Variants in PADI1 observed in about 807,000 individuals in gnomAD.
PADI1 encodes protein-arginine deiminase type-1.
A neutral mutation model predicts 74.8 loss-of-function variants in PADI1; 65 were observed. The observed-to-expected ratio is 0.87, with a 90% confidence interval of 0.71 to 1.07. The LOEUF (loss-of-function observed/expected upper bound fraction) is 1.07, where lower values mean the gene tolerates loss of function less well. Ranked by LOEUF, PADI1 falls within the 50% of genes least tolerant of loss-of-function variation. The pLI is 0.00. For missense variants in PADI1, 943 were observed against 854.0 expected (o/e 1.10, Z -1.30); for synonymous variants, 371 against 336.2 (o/e 1.10, Z -1.13).
At chr1:17,210,108 GGGATTACA>G (rs1189766828) in intron 1 of PADI1, among the ~76,000 whole-genome samples, 1 of 152,000 alleles carries the variant, frequency 6.6e-6, no homozygotes, top group Non-Finnish European at 1.5e-5. Context: ...CCAAAGTGTT[GGGATTACA>G]GGTGTGAGCC....
intron 9 of PADI1, 79 bp downstream of exon 9, chr1:17,230,287 G>A: frequency 6.5e-7 from 1 of 1,537,074 alleles, no homozygotes; most frequent in Non-Finnish European, 8.8e-7. Context: ...GATGGACCCA[G>A]TGTCGCTAGA....
At chr1:17,214,264 C>T (rs2071913348) in intron 1 of PADI1, among the ~76,000 whole-genome samples, 1 of 152,146 alleles carries the variant, frequency 6.6e-6, no homozygotes, top group African/African-American at 2.4e-5. Context: ...CCATGCTCCA[C>T]ACAGAACCCA....
rs149500234 is a variant in PADI1, at chr1:17,224,347, C to T, written c.347-20C>T. The T allele has an allele frequency of 0.02, 32,320 of 1,610,666 alleles. 423 individuals are homozygous for T. Among genetic ancestry groups the T allele is most frequent in the Non-Finnish European group, 0.023 (26,800 of 1,177,476 alleles). The stretch of plus-strand genomic sequence containing the variant: ...TGGGGCTGGATGAGCCCCTGGCAGC[C>T]CCTCTCCATCTCTTTGCAGATATTT... On this transcript the variant is annotated intron_variant, in intron 3 of 15. Transcript: ENST00000375471.
rs1029694932 is a variant in PADI1, at chr1:17,245,164, G to GGT, written c.*930_*931dup. 2 of 152,818 alleles carry GGT rather than the reference G, an allele frequency of 1.3e-5. No individual in the cohort carries two copies. Among genetic ancestry groups the GGT allele is most frequent in the African/African-American group, 4.8e-5 (2 of 41,552 alleles). 9.5% of individuals were successfully genotyped at this position (152,818 alleles called of 1,614,324 possible). On this transcript the variant is annotated 3_prime_UTR_variant, in exon 16 of 16. Coordinates refer to ENST00000375471, the MANE Select transcript of PADI1 (RefSeq NM_013358.3). The surrounding 1 kb of genome is among the most constrained non-coding windows in gnomAD (Gnocchi z 4.1). Reference sequence around the variant, plus strand: ...GGTAGGGGGCCAGATGTTAGAAGAGGGTGTGTGTGTTGGGAGGAAATTAGG... The same window carrying GGT: ...GGTAGGGGGCCAGATGTTAGAAGAGGGTGTGTGTGTGTTGGGAGGAAATTAGG...
chr1:17,222,872 G>A (rs1209867756), intron 2 of PADI1, among the ~76,000 whole-genome samples: 1 of 152,152 alleles, frequency 6.6e-6, no homozygotes, highest in African/African-American at 2.4e-5. Flanking sequence ...TTGTGTGCAC[G>A]GATCTCCCAC....
chr1:17,226,619 G>A (rs2072320152), intron 6 of PADI1, among the ~76,000 whole-genome samples: 1 of 152,142 alleles, frequency 6.6e-6, no homozygotes, highest in South Asian at 2.1e-4. Context: ...TAATCAGCCT[G>A]TGGCTTAAAA....
At chr1:17,218,877 T>C (rs2977286) in intron 1 of PADI1, among the ~76,000 whole-genome samples, 37,117 of 151,906 alleles carry the variant, frequency 0.24, 4,734 homozygotes, top group Admixed American at 0.36. Flanking sequence ...AGGGCAGGCA[T>C]GGTCGTGGAC....
chr1:17,217,823 C>G (rs1014342098), intron 1 of PADI1, among the ~76,000 whole-genome samples: 2 of 152,172 alleles, frequency 1.3e-5, no homozygotes, highest in Non-Finnish European at 2.9e-5. Context: ...ATCGTTTTAT[C>G]AAATGCCTAG....
chr1:17,239,983 G>C (rs2072739152), intron 14 of PADI1, 200 bp downstream of exon 14: 1 of 565,720 alleles, frequency 1.8e-6, no homozygotes, highest in Admixed American at 3.0e-5. Context: ...CCCTCAGAGA[G>C]CTCCCAGCCT....
At chr1:17,229,590 C>T (rs2072427819) in intron 8 of PADI1, among the ~76,000 whole-genome samples, 2 of 152,226 alleles carry the variant, frequency 1.3e-5, no homozygotes, top group African/African-American at 4.8e-5. Context: ...GAAAAAGCCA[C>T]AGTTGAGCTG....
At chr1:17,233,016 CA>C in intron 11 of PADI1, 46 bp downstream of exon 11, 1 of 1,496,450 alleles carries the variant, frequency 6.7e-7, no homozygotes, top group Non-Finnish European at 9.0e-7. Context: ...GGAATGACTG[CA>C]GCATCCACCC....
Position 17,239,761 on chromosome 1 carries a change from A to G in PADI1, c.1610A>G (p.Gln537Arg), listed in dbSNP as rs1467409100. ...GAGATGCTGGCAGACAGACACCTCCAGAGAGACAATCTTCATGCACAGGTG... is the reference window on the plus strand; with the variant it reads ...GAGATGCTGGCAGACAGACACCTCCGGAGAGACAATCTTCATGCACAGGTG... The part of the protein sequence containing the change: ...INEMLADRHL[Q>R]RDNLHAQKCI... The change falls in exon 14 of 16, where the codon CAG (glutamine) becomes CGG (arginine). Residue 537 changes from glutamine to arginine, a missense_variant. Transcript: ENST00000375471. 6.2e-7 allele frequency: 1 copy of G among 1,613,794 alleles called. No individual in the cohort carries two copies. Among genetic ancestry groups the G allele is most frequent in the African/African-American group, 1.3e-5 (1 of 74,952 alleles).
intron 1 of PADI1, among the ~76,000 whole-genome samples, chr1:17,211,207 T>A (rs923679875): frequency 3.3e-5 from 5 of 151,538 alleles, no homozygotes; most frequent in Non-Finnish European, 5.9e-5. Context: ...TGGTTTTTTG[T>A]TTTTGTTTTT....
intron 3 of PADI1, among the ~76,000 whole-genome samples, chr1:17,223,907 C>T (rs534128709): frequency 2.2e-4 from 33 of 152,316 alleles, no homozygotes; most frequent in Admixed American, 1.8e-3. Context: ...AACTTCACTG[C>T]CCAGTGAACA....
intron 11 of PADI1, among the ~76,000 whole-genome samples, chr1:17,234,314 C>G (rs2072576075): frequency 6.6e-6 from 1 of 152,224 alleles, no homozygotes; most frequent in South Asian, 2.1e-4. Flanking sequence ...TACTCCATGC[C>G]TCAGTTTCCT....
chr1:17,233,787 A>C (rs1223527361), intron 11 of PADI1, among the ~76,000 whole-genome samples: 1 of 152,270 alleles, frequency 6.6e-6, no homozygotes, highest in Non-Finnish European at 1.5e-5. Flanking sequence ...CAGAGGAGTC[A>C]GGCAGTGCTG....
intron 1 of PADI1, among the ~76,000 whole-genome samples, chr1:17,221,438 C>T (rs992628044): frequency 3.6e-5 from 5 of 138,758 alleles, no homozygotes; most frequent in African/African-American, 5.5e-5. Context: ...CACTGCACTC[C>T]AACCTGGGTG....
chr1:17,213,592 A>T (rs1441522657), intron 1 of PADI1, among the ~76,000 whole-genome samples: 1 of 152,202 alleles, frequency 6.6e-6, no homozygotes, highest in Non-Finnish European at 1.5e-5. Context: ...ACCGGCCGTC[A>T]TTACCCTGTG....
At chr1:17,227,744 A>C (rs372149553) in intron 6 of PADI1, among the ~76,000 whole-genome samples, 35 of 152,190 alleles carry the variant, frequency 2.3e-4, no homozygotes, top group African/African-American at 7.7e-4. Flanking sequence ...CCTCCCATGC[A>C]CCAGTGGTGG....
Sources: gnomAD v4.1 joint callset for allele counts (sites outside exome capture counted in the v4.1 genomes callset) on GRCh38, gnomAD v4.1.1 for gene constraint, Gnocchi (gnomAD v3.1) non-coding constraint, MANE v1.5 for transcripts, NCBI Gene and HGNC (gene_info 2026-07-23, HGNC 2026-07-21) for gene names.